Variants in GPR12 observed in about 807,000 individuals in gnomAD.
The protein encoded by GPR12 is G-protein coupled receptor 12.
Under a neutral mutation model 18.9 loss-of-function variants are expected in GPR12, and 7 were observed. The observed-to-expected ratio is 0.37, with a 90% CI of 0.21 to 0.70. The LOEUF (loss-of-function observed/expected upper bound fraction) is 0.70, where lower values mean the gene tolerates loss of function less well. GPR12 is among the 30% of genes least tolerant of loss of function. The probability of loss-of-function intolerance (pLI) is 0.54; values close to 1 mark genes in which losing one functional copy is unlikely to be tolerated. For missense variants in GPR12, 327 were observed against 427.7 expected, an observed-to-expected ratio of 0.76 and a Z score of 2.08; for synonymous variants, 201 against 188.6, an observed-to-expected ratio of 1.07 and a Z score of -0.54.
intron 1 of GPR12, 139 bp from the exon 2 acceptor site, chr13:26,759,981 G>T: frequency 1.5e-6 from 2 of 1,322,794 alleles, no homozygotes; most frequent in South Asian, 2.0e-5. Flanking sequence ...TCGGGAATGA[G>T]GAACTGTTGG....
chr13:26,755,553 C>T lies in GPR12; in HGVS notation c.*3270G>A, dbSNP rs1884359340. 6.6e-6 allele frequency: 1 copy of T among 152,144 alleles called. No individual in the cohort carries two copies. The highest frequency in any genetic ancestry group is 1.5e-5 in the Non-Finnish European group (1 of 68,038). 9.4% of individuals were successfully genotyped at this position (152,144 alleles called of 1,614,324 possible). On this transcript the variant is annotated 3_prime_UTR_variant, in exon 2 of 2. Transcript: ENST00000405846. ...GACTATTTCTGCATGGCCAAGTCAA[C>T]CAAGGAATCCACTCCTCCTGAACCT...
chr13:26,757,246 G>C lies in GPR12; in HGVS notation c.*1577C>G, dbSNP rs1194472937. On this transcript the variant is annotated 3_prime_UTR_variant, in exon 2 of 2. Coordinates refer to ENST00000405846, the MANE Select transcript of GPR12 (RefSeq NM_005288.4). ...CAGAATGGTCTTGAGAGCACCCTGG[G>C]CATCACATCTGGGACAAACCGATGA... 2 of 152,164 alleles carry C rather than the reference G, an allele frequency of 1.3e-5. No individual in the cohort carries two copies. The highest frequency in any genetic ancestry group is 4.8e-5 in the African/African-American group (2 of 41,436). The allele number at this position is 152,164 out of a possible 1,614,324, so 9.4% of individuals were successfully genotyped here.
rs1335090763 is a variant in GPR12 at position 26,759,106 on chromosome 13, G to C, written c.722C>G (p.Ser241Trp). ...CCCTTTCCGGGTGGTCACATAGTGC[G>C]ACGTGGCCAGGAAGTGGTGCTGCAG... is the stretch of plus-strand genomic sequence containing the variant. ...IALQHHFLAT[S>W]HYVTTRKGVS... Residue 241 changes from serine to tryptophan, a missense_variant, in exon 2 of 2, where the codon TCG (serine) becomes TGG (tryptophan). Ser to Trp is a radical substitution (Grantham distance 177). Transcript: ENST00000405846. 2 of 1,613,872 alleles carry C rather than the reference G, an allele frequency of 1.2e-6. No individual in the cohort carries two copies. The highest frequency in any genetic ancestry group is 1.1e-5 in the South Asian group (1 of 91,042).
Position 26,758,811 on chromosome 13 carries a change from G to A in GPR12, c.*12C>T, listed in dbSNP as rs776895704. ...GCTTGGTAAATGCAGAGTCCTCCTGGGTGCAAGGGTGCTACACATCACTGG... is the reference window on the plus strand; with the variant it reads ...GCTTGGTAAATGCAGAGTCCTCCTGAGTGCAAGGGTGCTACACATCACTGG... On this transcript the variant is annotated 3_prime_UTR_variant, in exon 2 of 2. Coordinates refer to ENST00000405846, the MANE Select transcript of GPR12 (RefSeq NM_005288.4). 6.3e-7 allele frequency: 1 copy of A among 1,584,474 alleles called. No individual in the cohort carries two copies.
In GPR12 at chr13:26,755,624, C is replaced by G. The variant is rs1884360508; in HGVS notation, c.*3199G>C. The stretch of plus-strand genomic sequence containing the variant: ...AGGCAAGGAGGGGCTCTATCTCCAC[C>G]CTGCTTCCCTGCCCCAGGTACCTTT... On this transcript the variant is annotated 3_prime_UTR_variant, in exon 2 of 2. Coordinates refer to ENST00000405846, the MANE Select transcript of GPR12 (RefSeq NM_005288.4). 6.6e-6 allele frequency: 1 copy of G among 152,122 alleles called. No homozygotes were observed. 9.4% of individuals were successfully genotyped at this position (152,122 alleles called of 1,614,324 possible).
At position 26,759,473 on chromosome 13, in the gene GPR12, G is replaced by A. The variant is rs1423657684; in HGVS notation, c.355C>T (p.Leu119Phe). The change falls in exon 2 of 2, where the codon CTC becomes TTC. Residue 119 changes from leucine (L) to phenylalanine (F), a missense_variant. Physicochemically the swap from Leu to Phe is conservative, Grantham distance 22. Coordinates refer to ENST00000405846, the MANE Select transcript of GPR12 (RefSeq NM_005288.4). ...SEATKLVTIGLIVASFSASVC... is the reference protein window; with the variant it reads ...SEATKLVTIGFIVASFSASVC... ...GAGGCAGAGAAAGAGGCGACAATGAGGCCGATCGTGACCAGCTTGGTGGCT... is the reference window on the plus strand; with the variant it reads ...GAGGCAGAGAAAGAGGCGACAATGAAGCCGATCGTGACCAGCTTGGTGGCT... The A allele has an allele frequency of 6.2e-7, 1 of 1,614,054 alleles. No individual in the cohort carries two copies. The highest frequency in any genetic ancestry group is 1.7e-5 in the Admixed American group (1 of 60,010).
Position 26,757,556 on chromosome 13 carries a change from T to C in GPR12, c.*1267A>G, listed in dbSNP as rs1290176756. ...TGAAAACAGGCAATGTGATTTTTAT[T>C]GTGTATAAATTGGTTTTTGGTGAAA... On this transcript the variant is annotated 3_prime_UTR_variant, in exon 2 of 2. Transcript: ENST00000405846. The C allele has an allele frequency of 6.6e-6, 1 of 152,248 alleles. No individual in the cohort carries two copies. The highest frequency in any genetic ancestry group is 1.5e-5 in the Non-Finnish European group (1 of 68,040). The allele number at this position is 152,248 out of a possible 1,614,324, so 9.4% of individuals were successfully genotyped here. A position where few individuals can be genotyped will look rare whatever the true frequency, so the allele number is the denominator to read the frequency against.
chr13:26,760,001 CA>C, intron 1 of GPR12, 159 bp from the exon 2 acceptor site: 1 of 1,235,560 alleles, frequency 8.1e-7, no homozygotes, highest in East Asian at 2.6e-5. Context: ...GGAAATGAAA[CA>C]AAAGCCAAAG....
rs866632732 is a variant in GPR12 at position 26,759,210 on chromosome 13, G to A, written c.618C>T (p.Phe206=). The part of the protein sequence containing the change: ...KNNAAILSVS[F]LFMFALMLQL... ...GAAGCATGAGCGCAAACATGAAGAG[G>A]AAGGACACCGAGAGGATGGCCGCGT... The change falls in exon 2 of 2, where the codon TTC becomes TTT. Residue 206 remains phenylalanine (F), a synonymous_variant. Transcript: ENST00000405846. 6.2e-7 allele frequency: 1 copy of A among 1,612,878 alleles called. No individual in the cohort carries two copies. Among genetic ancestry groups the A allele is most frequent in the Non-Finnish European group, 8.5e-7 (1 of 1,179,924 alleles).
At position 26,759,722 on chromosome 13, in the gene GPR12, C is replaced by A. The variant is rs115322272; in HGVS notation, c.106G>T (p.Val36Leu). The A allele has an allele frequency of 3.0e-4, 486 of 1,613,664 alleles. No homozygotes were observed. In the African/African-American group the frequency reaches 5.8e-3, roughly 19 times the overall value. ...ACTACGAGCTCAGGCTCTGGCTCTA[C>A]GGCAGGAACCCGGGAGGAGACAGCA... is the stretch of plus-strand genomic sequence containing the variant. ...SAAVSSRVPA[V>L]EPEPELVVNP... Residue 36 changes from valine to leucine, a missense_variant, in exon 2 of 2, where the codon GTA becomes TTA. Coordinates refer to ENST00000405846, the MANE Select transcript of GPR12 (RefSeq NM_005288.4).
rs1884390594 is a variant in GPR12 at position 26,757,137 on chromosome 13, G to C, written c.*1686C>G. Reference sequence around the variant, plus strand: ...CTTCCATAAGTAACCTCAGGGAGGAGACACAGATTCAAGTAGAGGATTTTT... The same window carrying C: ...CTTCCATAAGTAACCTCAGGGAGGACACACAGATTCAAGTAGAGGATTTTT... On this transcript the variant is annotated 3_prime_UTR_variant, in exon 2 of 2. Coordinates refer to ENST00000405846, the MANE Select transcript of GPR12 (RefSeq NM_005288.4). 1 of 152,160 alleles carries C rather than the reference G, an allele frequency of 6.6e-6. No homozygotes were observed. The highest frequency in any genetic ancestry group is 2.1e-4 in the South Asian group (1 of 4,822). 9.4% of individuals were successfully genotyped at this position (152,160 alleles called of 1,614,324 possible). A position where few individuals can be genotyped will look rare whatever the true frequency, so the allele number is the denominator to read the frequency against.
chr13:26,760,083 A>G (rs1884454410), intron 1 of GPR12: 4 of 438,454 alleles, frequency 9.1e-6, no homozygotes, highest in East Asian at 4.1e-5. Context: ...GGACTTCAAA[A>G]CACCAGCGTG....
chr13:26,759,881 G>T (rs1257474066), intron 1 of GPR12, 39 bp from the exon 2 acceptor site: 2 of 1,515,272 alleles, frequency 1.3e-6, no homozygotes, highest in African/African-American at 2.8e-5. Context: ...TTTAAATACA[G>T]CAGGGTGACA....
chr13:26,758,987 T>G lies in GPR12; in HGVS notation c.841A>C (p.Ile281Leu). ...GGCAGGAGGGTGGCGTAGGTATAGA[T>G]GGAGGGGTAGGTGTAATCCGCTATC... Reference protein sequence around the residue: ...SLIADYTYPSIYTYATLLPAT... With the variant: ...SLIADYTYPSLYTYATLLPAT... The change falls in exon 2 of 2, where the codon ATC becomes CTC. Residue 281 changes from isoleucine to leucine, a missense_variant. Transcript: ENST00000405846. 1 of 1,613,698 alleles carries G rather than the reference T, an allele frequency of 6.2e-7. No individual in the cohort carries two copies. Among genetic ancestry groups the G allele is most frequent in the Non-Finnish European group, 8.5e-7 (1 of 1,179,952 alleles).
At position 26,759,369 on chromosome 13, in the gene GPR12, C is replaced by A; in HGVS notation, c.459G>T (p.Thr153=). 1 of 1,613,844 alleles carries A rather than the reference C, an allele frequency of 6.2e-7. No individual in the cohort carries two copies. Among genetic ancestry groups the A allele is most frequent in the Middle Eastern group, 1.6e-4 (1 of 6,062 alleles). The change falls in exon 2 of 2, where the codon ACG becomes ACT. Residue 153 remains threonine, a synonymous_variant. Transcript: ENST00000405846. ...CGAGCATGACATAGGTAAACGTGAC[C>A]GTCCTCTCCGAATGGTACGTCAGAG... ...YYALTYHSER[T]VTFTYVMLVM...
rs1352774473 is a variant in GPR12 at position 26,756,648 on chromosome 13, CT to C, written c.*2174del. 1 of 152,206 alleles carries C rather than the reference CT, an allele frequency of 6.6e-6. No individual in the cohort carries two copies. Among genetic ancestry groups the C allele is most frequent in the Non-Finnish European group, 1.5e-5 (1 of 68,052 alleles). The allele number at this position is 152,206 out of a possible 1,614,324, so 9.4% of individuals were successfully genotyped here. On this transcript the variant is annotated 3_prime_UTR_variant, in exon 2 of 2. Coordinates refer to ENST00000405846, the MANE Select transcript of GPR12 (RefSeq NM_005288.4). ...GCTGGCTTCAAATTCTGACTCTATC[CT>C]TGTGCTTTGTGGCCTCGGGCACATT...
chr13:26,759,032 G>A lies in GPR12; in HGVS notation c.796C>T (p.Pro266Ser), dbSNP rs1884428369. The change falls in exon 2 of 2, where the codon CCT becomes TCT. Residue 266 changes from proline (P) to serine (S), a missense_variant. By Grantham distance (74) the Pro-to-Ser change is moderately conservative. Transcript: ENST00000405846. Reference sequence around the variant, plus strand: ...GCTATCAAGGAATAGAGGGTGAAAGGCATCCAGCAAGCAGCAAACGTCCCC... The same window carrying A: ...GCTATCAAGGAATAGAGGGTGAAAGACATCCAGCAAGCAGCAAACGTCCCC... ...ILGTFAACWM[P>S]FTLYSLIADY... The A allele has an allele frequency of 6.2e-7, 1 of 1,614,040 alleles. No individual in the cohort carries two copies. The highest frequency in any genetic ancestry group is 8.5e-7 in the Non-Finnish European group (1 of 1,180,022).
Position 26,756,945 on chromosome 13 carries a change from T to G in GPR12, c.*1878A>C, listed in dbSNP as rs2137576723. The stretch of plus-strand genomic sequence containing the variant: ...GTCAAGTCTCCTATGGTGGTGCTAT[T>G]CAATTTTAATTAATTAAAAACGAAC... On this transcript the variant is annotated 3_prime_UTR_variant, in exon 2 of 2. Coordinates refer to ENST00000405846, the MANE Select transcript of GPR12 (RefSeq NM_005288.4). 1 of 152,336 alleles carries G rather than the reference T, an allele frequency of 6.6e-6. No homozygotes were observed. Among genetic ancestry groups the G allele is most frequent in the African/African-American group, 2.4e-5 (1 of 41,582 alleles). 9.4% of individuals were successfully genotyped at this position (152,336 alleles called of 1,614,324 possible).
chr13:26,760,044 C>CCAAA, intron 1 of GPR12: 1 of 818,988 alleles, frequency 1.2e-6, no homozygotes, highest in Non-Finnish European at 1.8e-6. Context: ...AACAAAAATG[C>CCAAA]CGTTTGGCAT....
Sources: gnomAD v4.1 joint callset for allele counts on GRCh38, gnomAD v4.1.1 for gene constraint, MANE v1.5 for transcripts, NCBI Gene and HGNC (gene_info 2026-07-23, HGNC 2026-07-21) for gene names.